The following KRT86 variants were observed in gnomAD, a reference collection of about 807,000 sequenced individuals.
KRT86 encodes the protein keratin 86.
KRT86 carries 30 observed loss-of-function variants against 41.2 expected under a neutral mutation model. The ratio of observed to expected loss-of-function variants is 0.73; its 90% CI spans 0.54 to 0.99. The LOEUF is 0.99. Among genes scored for constraint, KRT86 ranks in the 50% least tolerant of loss-of-function variants. The pLI is 0.00. For missense variants in KRT86, 561 were observed against 571.4 expected (o/e 0.98, Z 0.19); for synonymous variants, 238 against 238.1 (o/e 1.00, Z 0.00).
intron 2 of KRT86, chr12:52,287,044 G>A: frequency 6.2e-7 from 1 of 1,612,124 alleles, no homozygotes; most frequent in Non-Finnish European, 8.5e-7. Flanking sequence ...AAGGCCAAGG[G>A]TAGGCTTGTG....
At chr12:52,286,266 G>A (rs376061576) in intron 2 of KRT86, 35 of 1,553,832 alleles carry the variant, frequency 2.3e-5, no homozygotes, top group African/African-American at 5.5e-5. Context: ...TAACATTTCC[G>A]GCAGCTGCTG....
chr12:52,285,359 AT>A (rs1470033750), intron 2 of KRT86, among the ~76,000 whole-genome samples: 2 of 47,970 alleles, frequency 4.2e-5, no homozygotes, highest in Non-Finnish European at 9.3e-5. Flanking sequence ...GAGTGATGCC[AT>A]TTAAAAAAAA....
intron 2 of KRT86, among the ~76,000 whole-genome samples, chr12:52,298,651 C>A (rs1938303812): frequency 6.6e-6 from 1 of 152,174 alleles, no homozygotes; most frequent in Non-Finnish European, 1.5e-5. Context: ...TTTTAGAAAT[C>A]ATGAAATGAG....
At chr12:52,306,628 C>T in intron 9 of KRT86, 1 of 439,068 alleles carries the variant, frequency 2.3e-6, no homozygotes, top group Non-Finnish European at 4.2e-6. Context: ...GATTCCTTCT[C>T]TTTTTCCTAG....
At chr12:52,292,239 C>T (rs1488834184) in intron 2 of KRT86, among the ~76,000 whole-genome samples, 8 of 152,126 alleles carry the variant, frequency 5.3e-5, no homozygotes, top group Non-Finnish European at 1.0e-4. Flanking sequence ...TCACAGTTGC[C>T]CAATTATTTG....
intron 9 of KRT86, among the ~76,000 whole-genome samples, 157 bp downstream of exon 9, chr12:52,306,437 C>T (rs1423777260): frequency 2.6e-5 from 4 of 152,226 alleles, no homozygotes; most frequent in Admixed American, 6.5e-5. Context: ...GATCTAGCCC[C>T]GTTTGAGTCT....
intron 2 of KRT86, chr12:52,288,091 T>C (rs1938017677): frequency 6.2e-7 from 1 of 1,614,068 alleles, no homozygotes; most frequent in Non-Finnish European, 8.5e-7. Context: ...TCCCGGCTGT[T>C]GTCCAGCTTG....
intron 2 of KRT86, among the ~76,000 whole-genome samples, chr12:52,281,410 C>G (rs147580921): frequency 6.6e-6 from 1 of 152,320 alleles, no homozygotes; most frequent in East Asian, 1.9e-4. Context: ...CAGGGTCTGC[C>G]ACAGAGTAGA....
intron 2 of KRT86, among the ~76,000 whole-genome samples, chr12:52,298,491 A>G (rs985509445): frequency 2.6e-5 from 4 of 152,260 alleles, no homozygotes; most frequent in African/African-American, 9.6e-5. Context: ...TGCTGTTGAT[A>G]CGTCTGCAGC....
At chr12:52,275,476 T>C (rs551037166) in intron 1 of KRT86, among the ~76,000 whole-genome samples, 1 of 152,254 alleles carries the variant, frequency 6.6e-6, no homozygotes, top group Non-Finnish European at 1.5e-5. Flanking sequence ...TGTTGTAAAC[T>C]ACAATAATCA....
intron 2 of KRT86, among the ~76,000 whole-genome samples, chr12:52,279,899 G>A (rs1333471640): frequency 2.0e-5 from 3 of 152,124 alleles, no homozygotes; most frequent in Non-Finnish European, 2.9e-5. Flanking sequence ...CAGGGGACAG[G>A]ATGGTGAGGA....
rs1373763554 is a variant in KRT86, at chr12:52,275,894, T to G, written c.-57T>G. 1.0e-6 allele frequency: 1 copy of G among 985,872 alleles called. No homozygotes were observed. Among genetic ancestry groups the G allele is most frequent in the African/African-American group, 1.7e-5 (1 of 57,230 alleles). The allele number at this position is 985,872 out of a possible 1,614,324, so 61.1% of individuals were successfully genotyped here. A position where few individuals can be genotyped will look rare whatever the true frequency, so the allele number is the denominator to read the frequency against. The stretch of plus-strand genomic sequence containing the variant: ...CCCAGCAAGGAGGATCTGAACAGGC[T>G]TAATCAGGCCATCCAGTGGCTGACG... On this transcript the variant is annotated 5_prime_UTR_variant, in exon 2 of 11. Coordinates refer to ENST00000423955, the MANE Select transcript of KRT86 (RefSeq NM_001320198.2).
Position 52,308,664 on chromosome 12 carries a change from C to T in KRT86, c.*79C>T, listed in dbSNP as rs1218826333. On this transcript the variant is annotated 3_prime_UTR_variant, in exon 11 of 11. Transcript: ENST00000423955. ...CCTCGCGCCACCAGAACGCGCCGCC[C>T]GCGCCGGCCTCCCAATAGCCGCCGC... 2 of 1,427,164 alleles carry T rather than the reference C, an allele frequency of 1.4e-6. No homozygotes were observed. The highest frequency in any genetic ancestry group is 1.4e-5 in the African/African-American group (1 of 71,370). The allele number at this position is 1,427,164 out of a possible 1,614,324, so 88.4% of individuals were successfully genotyped here. A position where few individuals can be genotyped will look rare whatever the true frequency, so the allele number is the denominator to read the frequency against.
At chr12:52,285,890 T>C (rs2121225229) in intron 2 of KRT86, 1 of 344,604 alleles carries the variant, frequency 2.9e-6, no homozygotes, top group East Asian at 6.9e-5. Flanking sequence ...AGGAGGGTAA[T>C]AGAGACACAC....
In KRT86 at chr12:52,305,251, T is replaced by C. The variant is rs2121309516; in HGVS notation, c.747T>C (p.Val249=). Residue 249 remains valine, a synonymous_variant, in exon 7 of 11, where the codon GTT becomes GTC. Coordinates refer to ENST00000423955, the MANE Select transcript of KRT86 (RefSeq NM_001320198.2). The part of the protein sequence containing the change: ...LRRLYEEEIR[V]LQSHISDTSV... ...CTCACCTCCTGCAGGAGATCCGCGTTCTCCAGTCCCACATCTCAGACACCT... is the reference window on the plus strand; with the variant it reads ...CTCACCTCCTGCAGGAGATCCGCGTCCTCCAGTCCCACATCTCAGACACCT... The C allele has an allele frequency of 6.2e-7, 1 of 1,614,170 alleles. No homozygotes were observed. The highest frequency in any genetic ancestry group is 8.5e-7 in the Non-Finnish European group (1 of 1,180,030).
intron 2 of KRT86, among the ~76,000 whole-genome samples, chr12:52,295,501 T>C (rs1283305415): frequency 6.6e-6 from 1 of 152,118 alleles, no homozygotes; most frequent in Non-Finnish European, 1.5e-5. Context: ...TGTTTGTACA[T>C]AACATAAAAA....
At chr12:52,282,345 G>A (rs1028105829) in intron 2 of KRT86, among the ~76,000 whole-genome samples, 1 of 151,640 alleles carries the variant, frequency 6.6e-6, no homozygotes, top group East Asian at 1.9e-4. Context: ...CCATTCTTCC[G>A]CCTCAGCCTC....
chr12:52,282,668 C>T (rs1937802983), intron 2 of KRT86, among the ~76,000 whole-genome samples: 2 of 152,200 alleles, frequency 1.3e-5, no homozygotes, highest in African/African-American at 4.8e-5. Context: ...AGCAAGGGCT[C>T]CTTGGCCAGA....
chr12:52,280,357 C>G (rs1328393618), intron 2 of KRT86, among the ~76,000 whole-genome samples: 4 of 152,192 alleles, frequency 2.6e-5, no homozygotes, highest in Non-Finnish European at 5.9e-5. Context: ...CCCTGCCACA[C>G]AGACCCAAGA....
Sources: gnomAD v4.1 joint callset for allele counts (sites outside exome capture counted in the v4.1 genomes callset) on GRCh38, gnomAD v4.1.1 for gene constraint, MANE v1.5 for transcripts, NCBI Gene and HGNC (gene_info 2026-07-23, HGNC 2026-07-21) for gene names.